The following SLC19A3 variants were observed in gnomAD, a reference collection of about 807,000 sequenced individuals.
SLC19A3 encodes solute carrier family 19 member 3, also known as thiamine transporter 2.
In SLC19A3, 31 loss-of-function variants were observed where a neutral mutation model predicts 40.2. That is an observed-to-expected ratio of 0.77 (90% CI 0.58 to 1.04). SLC19A3 has a LOEUF of 1.04. SLC19A3 is among the 50% of genes least tolerant of loss of function. The pLI, the probability that SLC19A3 is intolerant of heterozygous loss-of-function variation, is 0.00. For missense variants in SLC19A3, 592 were observed against 596.7 expected, an observed-to-expected ratio of 0.99 and a Z score of 0.08; for synonymous variants, 212 against 227.5, an observed-to-expected ratio of 0.93 and a Z score of 0.61.
chr2:227,709,819 C>T (rs527581851), intron 1 of SLC19A3, among the ~76,000 whole-genome samples: 1 of 152,134 alleles, frequency 6.6e-6, no homozygotes, highest in Non-Finnish European at 1.5e-5. Context: ...ACTGACAATA[C>T]TGCCAGAATT....
intron 4 of SLC19A3, among the ~76,000 whole-genome samples, chr2:227,691,585 C>G (rs1428307904): frequency 6.6e-6 from 1 of 151,704 alleles, no homozygotes; most frequent in Non-Finnish European, 1.5e-5. Context: ...GCAGTTCAGC[C>G]TGGAGAACAT....
rs189540672 is a variant in SLC19A3 at position 227,698,801 on chromosome 2, T to C, written c.914A>G (p.Tyr305Cys). The C allele has an allele frequency of 1.4e-5, 23 of 1,614,198 alleles. No individual in the cohort carries two copies. The Admixed American group carries it at 3.0e-4, about 21-fold the overall frequency. Residue 305 changes from tyrosine (Y) to cysteine (C), a missense_variant, in exon 3 of 6, where the codon TAC becomes TGC. Physicochemically the swap from Tyr to Cys is radical, Grantham distance 194 (BLOSUM62 -2). Coordinates refer to ENST00000644224, the MANE Select transcript of SLC19A3 (RefSeq NM_025243.4). ...VLNYVQILWD[Y>C]KAPSQDSSIY... ...GGAAGAATCTTGGGATGGCGCCTTG[T>C]AATCCCACAGGATTTGAACATAGTT...
At chr2:227,704,969 T>C (rs113979837) in intron 1 of SLC19A3, among the ~76,000 whole-genome samples, 26,583 of 151,762 alleles carry the variant, frequency 0.18, 2,868 homozygotes, top group African/African-American at 0.29. Context: ...CAACCTCCGC[T>C]TCCTGGGTTC....
At chr2:227,704,048 G>T (rs1264446782) in intron 1 of SLC19A3, among the ~76,000 whole-genome samples, 1 of 152,162 alleles carries the variant, frequency 6.6e-6, no homozygotes, top group Non-Finnish European at 1.5e-5. Flanking sequence ...CGTATTGCCT[G>T]GTCCACCACA....
chr2:227,705,836 C>T (rs1695913844), intron 1 of SLC19A3, among the ~76,000 whole-genome samples: 1 of 152,106 alleles, frequency 6.6e-6, no homozygotes, highest in Non-Finnish European at 1.5e-5. Flanking sequence ...CAAACCTGCA[C>T]ATCCTGCACA....
chr2:227,688,279 C>T lies in SLC19A3; in HGVS notation c.1201G>A (p.Glu401Lys). The T allele has an allele frequency of 5.6e-6, 9 of 1,613,956 alleles. No individual in the cohort carries two copies. The highest frequency in any genetic ancestry group is 7.6e-6 in the Non-Finnish European group (9 of 1,179,900). Residue 401 changes from glutamate (E) to lysine (K), a missense_variant, in exon 5 of 6, where the codon GAA becomes AAA. Physicochemically the swap from Glu to Lys is moderately conservative, Grantham distance 56. Transcript: ENST00000644224. ...ATTCCAAATACCAAGGCATAGCGTT[C>T]CACATTCAGATTAACTGCAATCTGA... is the stretch of plus-strand genomic sequence containing the variant. ...VFQIAVNLNVERYALVFGINT... is the reference protein window; with the variant it reads ...VFQIAVNLNVKRYALVFGINT...
At chr2:227,712,485 G>A (rs1216821317) in intron 1 of SLC19A3, among the ~76,000 whole-genome samples, 6 of 152,192 alleles carry the variant, frequency 3.9e-5, no homozygotes, top group African/African-American at 1.4e-4. Flanking sequence ...GTTAAGACTA[G>A]GAGAGAAAAC....
rs200339327 is a variant in SLC19A3 at position 227,701,388 on chromosome 2, G to A, written c.150+781C>T. ...TGTAATCCCAGCATTTTGGGAGGCC[G>A]AGGCGGGTGGATCTCTTGAGGCCAG... On this transcript the variant is annotated intron_variant, in intron 2 of 5. Transcript: ENST00000644224. 151 of 180,328 alleles carry A rather than the reference G, an allele frequency of 8.4e-4. 1 individual carries two copies. In the East Asian group the frequency reaches 0.021, roughly 25 times the overall value. 11.2% of individuals were successfully genotyped at this position (180,328 alleles called of 1,614,324 possible).
Position 227,685,970 on chromosome 2 carries a change from A to T in SLC19A3, c.*1427T>A. On this transcript the variant is annotated 3_prime_UTR_variant, in exon 6 of 6. Coordinates refer to ENST00000644224, the MANE Select transcript of SLC19A3 (RefSeq NM_025243.4). ...TCAGCTCTTTGGGAGGCCGAGGCAG[A>T]CAGATCACCTGAAGTCAGGAGTTTG... The T allele has an allele frequency of 4.9e-6, 1 of 204,146 alleles. No individual in the cohort carries two copies. Among genetic ancestry groups the T allele is most frequent in the South Asian group, 5.5e-5 (1 of 18,344 alleles). The allele number at this position is 204,146 out of a possible 1,614,324, so 12.6% of individuals were successfully genotyped here. A position where few individuals can be genotyped will look rare whatever the true frequency, so the allele number is the denominator to read the frequency against.
chr2:227,688,088 G>T (rs1311105000), intron 5 of SLC19A3, 78 bp downstream of exon 5: 5 of 1,495,278 alleles, frequency 3.3e-6, no homozygotes, highest in Non-Finnish European at 4.7e-6. Context: ...AGGAACTCAA[G>T]AAATTTAAAT....
Position 227,702,201 on chromosome 2 carries a change from A to C in SLC19A3, c.118T>G (p.Ser40Ala), listed in dbSNP as rs761309307. The change falls in exon 2 of 6, where the codon TCT becomes GCT. Residue 40 changes from serine (S) to alanine (A), a missense_variant. Ser to Ala is a moderately conservative substitution (Grantham distance 99). Coordinates refer to ENST00000644224, the MANE Select transcript of SLC19A3 (RefSeq NM_025243.4). ...PSEPFLIPYL[S>A]GPDKNLTSAE... ...CTGGTCAGGTTTTTATCTGGTCCAG[A>C]TAAATATGGGATAAGGAATGGTTCT... The C allele has an allele frequency of 6.2e-7, 1 of 1,613,972 alleles. No homozygotes were observed. The highest frequency in any genetic ancestry group is 8.5e-7 in the Non-Finnish European group (1 of 1,179,876).
chr2:227,691,733 T>A (rs1440479257), intron 4 of SLC19A3, among the ~76,000 whole-genome samples: 1 of 151,630 alleles, frequency 6.6e-6, no homozygotes. Context: ...ATAATAAATA[T>A]CAGATCAGAA....
At chr2:227,690,529 A>T (rs1474888474) in intron 4 of SLC19A3, among the ~76,000 whole-genome samples, 8 of 151,820 alleles carry the variant, frequency 5.3e-5, no homozygotes, top group African/African-American at 1.9e-4. Flanking sequence ...AACACGATGA[A>T]ACCCCGTCTC....
At chr2:227,714,688 AT>A (rs199553133) in intron 1 of SLC19A3, 88,961 of 528,522 alleles carry the variant, frequency 0.17, 9,807 homozygotes, top group South Asian at 0.35. Context: ...AGCCGATGAC[AT>A]TTGAAATCCC....
At chr2:227,704,178 G>A (rs1643387870) in intron 1 of SLC19A3, among the ~76,000 whole-genome samples, 1 of 152,026 alleles carries the variant, frequency 6.6e-6, no homozygotes, top group African/African-American at 2.4e-5. Flanking sequence ...AGAGAGAAGT[G>A]TCAGGAACAG....
rs141694758 is a variant in SLC19A3, at chr2:227,709,460, G to A, written c.-2-7140C>T. Among the ~76,000 whole-genome samples the A allele has an allele frequency of 6.8e-4, 103 of 152,234 alleles. No homozygotes were observed. The East Asian group carries it at 0.018, about 27-fold the overall frequency. On this transcript the variant is annotated intron_variant, in intron 1 of 5. Transcript: ENST00000644224. Reference sequence around the variant, plus strand: ...GATTGAGCAAATGCACTCCAGCCTGGGTGACAGAGCGAGACTCTGTCCCAA... The same window carrying A: ...GATTGAGCAAATGCACTCCAGCCTGAGTGACAGAGCGAGACTCTGTCCCAA...
At chr2:227,690,019 G>C (rs34473555) in intron 4 of SLC19A3, among the ~76,000 whole-genome samples, 312 of 152,008 alleles carry the variant, frequency 2.1e-3, no homozygotes, top group Non-Finnish European at 3.8e-3. Context: ...TACCCAAAAA[G>C]TAAAAAAGAA....
intron 4 of SLC19A3, among the ~76,000 whole-genome samples, chr2:227,691,739 C>G (rs1280393762): frequency 1.3e-5 from 2 of 151,836 alleles, no homozygotes; most frequent in Admixed American, 6.6e-5. Context: ...AATATCAGAT[C>G]AGAAAGAAAT....
rs997327741 is a variant in SLC19A3, at chr2:227,698,545, C to T, written c.979+191G>A. ...CGACCTCCTGAAATCGTGATCCACGCGTCTCAGCTTCCCAAAGTGCTGGGA... is the reference window on the plus strand; with the variant it reads ...CGACCTCCTGAAATCGTGATCCACGTGTCTCAGCTTCCCAAAGTGCTGGGA... On this transcript the variant is annotated intron_variant, in intron 3 of 5. Transcript: ENST00000644224. 3.3e-5 allele frequency among the ~76,000 whole-genome samples: 5 copies of T among 152,036 alleles called. No individual in the cohort carries two copies. The South Asian group carries it at 1.0e-3, about 32-fold the overall frequency.
Sources: allele counts gnomAD v4.1 joint callset (sites outside exome capture counted in the v4.1 genomes callset), GRCh38; gene constraint gnomAD v4.1.1; transcripts MANE v1.5; gene names NCBI Gene and HGNC (gene_info 2026-07-23, HGNC 2026-07-21).